RBM47: variants seen among roughly 807,000 people sequenced by gnomAD.
The protein encoded by RBM47 is RNA binding motif protein 47, also known as RNA-binding protein 47.
RBM47 carries 21 observed loss-of-function variants against 47.1 expected under a neutral mutation model. The ratio of observed to expected loss-of-function variants is 0.45; its 90% CI spans 0.32 to 0.64. RBM47 has a LOEUF of 0.64. RBM47 is among the 30% of genes least tolerant of loss of function. The probability of loss-of-function intolerance (pLI) is 0.05; values close to 1 mark genes in which losing one functional copy is unlikely to be tolerated. For synonymous variants in RBM47, 375 were observed against 361.7 expected (o/e 1.04, Z -0.42); for missense variants, 708 against 870.9 (o/e 0.81, Z 2.35).
chr4:40,582,875 C>T (rs372940948), intron 1 of RBM47, among the ~76,000 whole-genome samples: 1 of 152,218 alleles, frequency 6.6e-6, no homozygotes, highest in African/African-American at 2.4e-5. Context: ...CACCCTTGCC[C>T]ATGCTGTACT....
At chr4:40,586,986 G>A (rs1431262469) in intron 1 of RBM47, among the ~76,000 whole-genome samples, 1 of 152,100 alleles carries the variant, frequency 6.6e-6, no homozygotes, top group Non-Finnish European at 1.5e-5. Context: ...TTTATAAAAT[G>A]AGGGGTTTAG....
chr4:40,468,891 T>C (rs987156113), intron 2 of RBM47, among the ~76,000 whole-genome samples: 4 of 152,194 alleles, frequency 2.6e-5, no homozygotes, highest in African/African-American at 9.6e-5. Flanking sequence ...TAGTGGTTGA[T>C]AAAAACTACG....
intron 3 of RBM47, among the ~76,000 whole-genome samples, chr4:40,460,477 G>A (rs1368916184): frequency 1.3e-5 from 2 of 152,204 alleles, no homozygotes; most frequent in Non-Finnish European, 2.9e-5. Context: ...GACTTCAGGT[G>A]AGTGACTTAC....
At chr4:40,617,735 A>C (rs930154869) in intron 1 of RBM47, among the ~76,000 whole-genome samples, 1 of 151,168 alleles carries the variant, frequency 6.6e-6, no homozygotes, top group African/African-American at 2.4e-5. Flanking sequence ...ATATATGATT[A>C]ATTTGAGTTA....
chr4:40,517,692 T>C (rs929831437), intron 2 of RBM47, among the ~76,000 whole-genome samples: 2 of 152,162 alleles, frequency 1.3e-5, no homozygotes, highest in Non-Finnish European at 2.9e-5. Flanking sequence ...CATAAATATA[T>C]ATACTACTAT....
chr4:40,590,936 G>A (rs1734079829), intron 1 of RBM47, among the ~76,000 whole-genome samples: 1 of 152,156 alleles, frequency 6.6e-6, no homozygotes, highest in Admixed American at 6.6e-5. Flanking sequence ...CTGAGCAGCT[G>A]GGACCACAGG....
chr4:40,616,155 A>G (rs888809478), intron 1 of RBM47, among the ~76,000 whole-genome samples: 12 of 152,126 alleles, frequency 7.9e-5, no homozygotes, highest in Admixed American at 7.2e-4. Context: ...GATCGAGACC[A>G]TCCTGGCTAA....
intron 3 of RBM47, among the ~76,000 whole-genome samples, chr4:40,450,902 G>A (rs1166121262): frequency 6.6e-6 from 1 of 152,110 alleles, no homozygotes; most frequent in Non-Finnish European, 1.5e-5. Flanking sequence ...ATTGCTTTCT[G>A]TCGAGAATTA....
At chr4:40,593,832 C>T (rs1227998998) in intron 1 of RBM47, among the ~76,000 whole-genome samples, 1 of 147,566 alleles carries the variant, frequency 6.8e-6, no homozygotes, top group Non-Finnish European at 1.5e-5. Context: ...TGCAGTGAGC[C>T]GAGATCGCGC....
At chr4:40,532,002 T>C (rs543251203) in intron 2 of RBM47, among the ~76,000 whole-genome samples, 28 of 149,238 alleles carry the variant, frequency 1.9e-4, no homozygotes, top group African/African-American at 6.5e-4. Flanking sequence ...ATCTCTCTCT[T>C]TTTTTTTTAT....
At chr4:40,586,156 C>G (rs151207332) in intron 1 of RBM47, among the ~76,000 whole-genome samples, 3 of 152,172 alleles carry the variant, frequency 2.0e-5, no homozygotes, top group Admixed American at 1.3e-4. Flanking sequence ...CCTCACCACA[C>G]CCCCACTTCA....
At chr4:40,467,836 C>CA (rs1718282545) in intron 2 of RBM47, among the ~76,000 whole-genome samples, 1 of 152,186 alleles carries the variant, frequency 6.6e-6, no homozygotes, top group South Asian at 2.1e-4. Flanking sequence ...GAGCCCCCAT[C>CA]AAGCCAACTG....
intron 1 of RBM47, among the ~76,000 whole-genome samples, chr4:40,601,025 C>CTTCCTAGT (rs1202187278): frequency 7.9e-6 from 1 of 126,110 alleles, no homozygotes; most frequent in African/African-American, 2.8e-5. Flanking sequence ...TAAAAAAGAT[C>CTTCCTAGT]TTCCTAGTAA....
chr4:40,442,509 T>C (rs1462095153), intron 3 of RBM47, among the ~76,000 whole-genome samples: 1 of 152,160 alleles, frequency 6.6e-6, no homozygotes, highest in Non-Finnish European at 1.5e-5. Flanking sequence ...GATCCAGCAA[T>C]TCCACTTCTA....
chr4:40,464,173 G>A (rs1241704675), intron 3 of RBM47, among the ~76,000 whole-genome samples: 1 of 152,134 alleles, frequency 6.6e-6, no homozygotes, highest in Non-Finnish European at 1.5e-5. Context: ...TCAATAAATC[G>A]TGGCATAGCC....
chr4:40,436,512 T>A lies in RBM47; in HGVS notation c.1259A>T (p.Glu420Val). ...ATTCGGCACCAGTTCATATCCTTTTTCTTGCTGCTTTCCTTTCCCTTCATG... is the reference window on the plus strand; with the variant it reads ...ATTCGGCACCAGTTCATATCCTTTTACTTGCTGCTTTCCTTTCCCTTCATG... ...RYHEGKGKQQ[E>V]KGYELVPNLE... The change falls in exon 5 of 7, where the codon GAA becomes GTA. Residue 420 changes from glutamate to valine, a missense_variant. Physicochemically the swap from Glu to Val is moderately radical, Grantham distance 121 (BLOSUM62 -2). Transcript: ENST00000295971. 1.2e-6 allele frequency: 2 copies of A among 1,614,196 alleles called. No homozygotes were observed. The highest frequency in any genetic ancestry group is 1.7e-6 in the Non-Finnish European group (2 of 1,180,022).
intron 2 of RBM47, among the ~76,000 whole-genome samples, chr4:40,496,870 T>A (rs535438890): frequency 6.6e-5 from 10 of 152,006 alleles, no homozygotes; most frequent in African/African-American, 1.7e-4. Context: ...TGAAACCCCA[T>A]CTCTACTAAA....
chr4:40,531,710 TA>T (rs1323187085), intron 2 of RBM47, among the ~76,000 whole-genome samples: 1 of 152,198 alleles, frequency 6.6e-6, no homozygotes, highest in East Asian at 1.9e-4. Flanking sequence ...AAAGCAGATA[TA>T]AAAAAATTAA....
chr4:40,503,265 T>C lies in RBM47; in HGVS notation c.-154-36566A>G, dbSNP rs945614408. 9.9e-5 allele frequency among the ~76,000 whole-genome samples: 15 copies of C among 152,262 alleles called. No homozygotes were observed. The East Asian group carries it at 2.9e-3, about 29-fold the overall frequency. On this transcript the variant is annotated intron_variant, in intron 2 of 6. Coordinates refer to ENST00000295971, the MANE Select transcript of RBM47 (RefSeq NM_001098634.2). ...AGGTGGCCTCAAGGTGGAAGGAGGCTGGGTAGATGCTTTTGGAGGTGCTGA... is the reference window on the plus strand; with the variant it reads ...AGGTGGCCTCAAGGTGGAAGGAGGCCGGGTAGATGCTTTTGGAGGTGCTGA...
Sources: allele counts gnomAD v4.1 joint callset (sites outside exome capture counted in the v4.1 genomes callset), GRCh38; gene constraint gnomAD v4.1.1; transcripts MANE v1.5; gene names NCBI Gene and HGNC (gene_info 2026-07-23, HGNC 2026-07-21).